Variants in DAPP1 observed in about 807,000 individuals in gnomAD.
DAPP1 encodes dual adaptor of phosphotyrosine and 3-phosphoinositides 1, also known as dual adapter for phosphotyrosine and 3-phosphotyrosine and 3-phosphoinositide.
Under a neutral mutation model 41.5 loss-of-function variants are expected in DAPP1, and 20 were observed. That is an observed-to-expected ratio of 0.48 (90% confidence interval 0.34 to 0.70). DAPP1 has a LOEUF of 0.70. Ranked by LOEUF, DAPP1 falls within the 30% of genes least tolerant of loss-of-function variation. The probability of loss-of-function intolerance (pLI) is 0.01; values close to 1 mark genes in which losing one functional copy is unlikely to be tolerated. For synonymous variants in DAPP1, 113 were observed against 116.2 expected (o/e 0.97, Z 0.18); for missense variants, 233 against 333.4 (o/e 0.70, Z 2.35).
intron 3 of DAPP1, among the ~76,000 whole-genome samples, chr4:99,841,324 T>C (rs1433446149): frequency 2.0e-5 from 3 of 152,216 alleles, no homozygotes; most frequent in African/African-American, 7.2e-5. Flanking sequence ...TTATGTGGTG[T>C]GGGTAGTCCC....
chr4:99,830,459 A>C lies in DAPP1; in HGVS notation c.102-5164A>C, dbSNP rs533245930. Among the ~76,000 whole-genome samples the C allele has an allele frequency of 5.3e-5, 8 of 152,332 alleles. 1 individual carries two copies. The East Asian group carries it at 1.2e-3, about 22-fold the overall frequency. On this transcript the variant is annotated intron_variant, in intron 1 of 8. Transcript: ENST00000512369. ...GCAATTAGATTTTATGTAATGAGCT[A>C]TTGGACATGCATATTAAGCCACAGG...
At chr4:99,832,145 C>T (rs1465519) in intron 1 of DAPP1, among the ~76,000 whole-genome samples, 41,451 of 152,060 alleles carry the variant, frequency 0.27, 6,025 homozygotes, top group African/African-American at 0.37. Flanking sequence ...TTATTTGTCA[C>T]CCAGTCTGAG....
intron 2 of DAPP1, among the ~76,000 whole-genome samples, chr4:99,838,676 C>G (rs966312707): frequency 6.6e-6 from 1 of 152,248 alleles, no homozygotes; most frequent in South Asian, 2.1e-4. Flanking sequence ...TGCTCACCCA[C>G]TGCTCACCTC....
At chr4:99,844,724 T>C (rs1302787549) in intron 3 of DAPP1, 1 of 152,234 alleles carries the variant, frequency 6.6e-6, no homozygotes, top group African/African-American at 2.4e-5. Context: ...TTTATAATAA[T>C]TGGTTCCCAA....
chr4:99,853,314 G>A lies in DAPP1; in HGVS notation c.455G>A (p.Arg152Lys). 1.2e-6 allele frequency: 2 copies of A among 1,611,810 alleles called. No individual in the cohort carries two copies. Among genetic ancestry groups the A allele is most frequent in the Non-Finnish European group, 1.7e-6 (2 of 1,178,840 alleles). ...GTTCACACAGCAATGCAGACAGGAA[G>A]AACAGAAGATGACCTTGTGCCCACA... Reference protein sequence around the residue: ...VRVHTAMQTGRTEDDLVPTAP... With the variant: ...VRVHTAMQTGKTEDDLVPTAP... The change falls in exon 4 of 9, where the codon AGA becomes AAA. Residue 152 changes from arginine to lysine, a missense_variant. Arg to Lys is a conservative substitution (Grantham distance 26, BLOSUM62 2). Coordinates refer to ENST00000512369, the MANE Select transcript of DAPP1 (RefSeq NM_014395.3).
At chr4:99,835,134 G>A (rs1015992119) in intron 1 of DAPP1, among the ~76,000 whole-genome samples, 19 of 151,774 alleles carry the variant, frequency 1.3e-4, no homozygotes, top group Admixed American at 5.3e-4. Flanking sequence ...TCAGCCTCCC[G>A]AGTAGCTGGG....
rs924134918 is a variant in DAPP1 at position 99,816,957 on chromosome 4, A to T, written c.44A>T (p.Asp15Val). The T allele has an allele frequency of 1.2e-6, 2 of 1,609,166 alleles. No homozygotes were observed. The highest frequency in any genetic ancestry group is 1.7e-6 in the Non-Finnish European group (2 of 1,177,928). ...CTAGAAGGGAAGATGAGCACCCAGG[A>T]TCCCTCAGATCTGTGGAGCAGATCC... ...ELLEGKMSTQ[D>V]PSDLWSRSDG... The change falls in exon 1 of 9, where the codon GAT becomes GTT. Residue 15 changes from aspartate to valine, a missense_variant. Transcript: ENST00000512369.
chr4:99,866,667 T>G (rs1431509457), intron 8 of DAPP1: 4 of 756,046 alleles, frequency 5.3e-6, no homozygotes, highest in Non-Finnish European at 9.7e-6. Context: ...TTTCATGTGC[T>G]TGCAAGTTAG....
intron 1 of DAPP1, among the ~76,000 whole-genome samples, chr4:99,822,373 T>A (rs750628236): frequency 2.0e-5 from 3 of 152,104 alleles, no homozygotes; most frequent in Non-Finnish European, 4.4e-5. Context: ...TTCATATGCA[T>A]GTAGAGTTAG....
At chr4:99,852,075 T>A (rs910158183) in intron 3 of DAPP1, among the ~76,000 whole-genome samples, 2 of 152,184 alleles carry the variant, frequency 1.3e-5, no homozygotes, top group Non-Finnish European at 2.9e-5. Context: ...ATTCATTTTT[T>A]CCATAACACT....
At chr4:99,871,483 A>G (rs1724626907), downstream of DAPP1, among the ~76,000 whole-genome samples, 1 of 152,234 alleles carries the variant, frequency 6.6e-6, no homozygotes, top group South Asian at 2.1e-4. Context: ...AGAAAAATCA[A>G]GAAAAAAATA....
intron 1 of DAPP1, among the ~76,000 whole-genome samples, chr4:99,834,686 G>A (rs1336883631): frequency 6.6e-6 from 1 of 152,168 alleles, no homozygotes; most frequent in African/African-American, 2.4e-5. Flanking sequence ...TTTTGACTTG[G>A]ACTTTAAAAA....
chr4:99,838,500 C>T (rs536417650), intron 2 of DAPP1, among the ~76,000 whole-genome samples: 23 of 152,284 alleles, frequency 1.5e-4, no homozygotes, highest in African/African-American at 5.5e-4. Flanking sequence ...GTGGAAAATG[C>T]GGGTTCAGGA....
chr4:99,848,160 G>A lies in DAPP1; in HGVS notation c.359-5058G>A, dbSNP rs544162649. ...GACAGAAACCAGCTCTGGCTAGCTG[G>A]GTTTTTTTGGTCTTGTTTTTGATTT... On this transcript the variant is annotated intron_variant, in intron 3 of 8. Coordinates refer to ENST00000512369, the MANE Select transcript of DAPP1 (RefSeq NM_014395.3). 4.0e-5 allele frequency among the ~76,000 whole-genome samples: 6 copies of A among 151,614 alleles called. No homozygotes were observed. In the East Asian group the frequency reaches 1.2e-3, roughly 30 times the overall value.
chr4:99,829,457 G>A (rs1723047358), intron 1 of DAPP1, among the ~76,000 whole-genome samples: 1 of 151,954 alleles, frequency 6.6e-6, no homozygotes, highest in Admixed American at 6.6e-5. Context: ...TCCAGCCTGG[G>A]TGACAAGAGT....
intron 3 of DAPP1, among the ~76,000 whole-genome samples, chr4:99,851,774 C>T (rs1021036183): frequency 6.6e-6 from 1 of 151,918 alleles, no homozygotes; most frequent in Non-Finnish European, 1.5e-5. Context: ...AGGATGCTCT[C>T]GATCTCCTGA....
intron 4 of DAPP1, among the ~76,000 whole-genome samples, chr4:99,858,544 T>TA (rs1724126318): frequency 6.6e-6 from 1 of 152,180 alleles, no homozygotes; most frequent in African/African-American, 2.4e-5. Flanking sequence ...CCTTTGTTAT[T>TA]AAAAAATGTT....
At chr4:99,865,999 T>C (rs1358694276) in intron 7 of DAPP1, 35 bp from the exon 8 acceptor site, 6 of 457,776 alleles carry the variant, frequency 1.3e-5, no homozygotes, top group Non-Finnish European at 2.3e-5. Flanking sequence ...GCTAATGATC[T>C]GCAATATCTT....
rs1212111984 is a variant in DAPP1, at chr4:99,869,418, TG to T, written c.*1234del. ...AGAAGATAAAAATGCTTGAAGAGCC[TG>T]AGAGTAAAAAGATTATGCTGCAAAG... is the stretch of plus-strand genomic sequence containing the variant. On this transcript the variant is annotated 3_prime_UTR_variant, in exon 9 of 9. Coordinates refer to ENST00000512369, the MANE Select transcript of DAPP1 (RefSeq NM_014395.3). The T allele has an allele frequency of 6.6e-6, 1 of 152,174 alleles. No individual in the cohort carries two copies. The highest frequency in any genetic ancestry group is 1.5e-5 in the Non-Finnish European group (1 of 68,030). 9.4% of individuals were successfully genotyped at this position (152,174 alleles called of 1,614,324 possible). A position where few individuals can be genotyped will look rare whatever the true frequency, so the allele number is the denominator to read the frequency against.
Sources: allele counts gnomAD v4.1 joint callset (sites outside exome capture counted in the v4.1 genomes callset), GRCh38; gene constraint gnomAD v4.1.1; transcripts MANE v1.5; gene names NCBI Gene and HGNC (gene_info 2026-07-23, HGNC 2026-07-21).